The following SHROOM3 variants were observed in gnomAD, a reference collection of about 807,000 sequenced individuals.
SHROOM3 encodes the protein shroom family member 3.
A neutral mutation model predicts 138.6 loss-of-function variants in SHROOM3; 47 were observed. That is an observed-to-expected ratio of 0.34 (90% CI 0.27 to 0.43). The LOEUF is 0.43. Ranked by LOEUF, SHROOM3 falls within the 20% of genes least tolerant of loss-of-function variation. SHROOM3 has a pLI of 1.00. For missense variants in SHROOM3, 2,491 were observed against 2,596.5 expected (o/e 0.96, Z 0.88); for synonymous variants, 1,062 against 1,063.3 (o/e 1.00, Z 0.02).
intron 1 of SHROOM3, among the ~76,000 whole-genome samples, chr4:76,518,843 A>C (rs1047945030): frequency 6.6e-6 from 1 of 152,222 alleles, no homozygotes; most frequent in Non-Finnish European, 1.5e-5. Flanking sequence ...AACTCAATGA[A>C]GCAAAAAGAA....
At chr4:76,721,931 A>G (rs1720563794) in intron 3 of SHROOM3, among the ~76,000 whole-genome samples, 1 of 152,196 alleles carries the variant, frequency 6.6e-6, no homozygotes, top group Non-Finnish European at 1.5e-5. Flanking sequence ...TTGATGATGC[A>G]TACATGGTTA....
At chr4:76,540,900 C>T (rs977962208) in intron 1 of SHROOM3, among the ~76,000 whole-genome samples, 6 of 152,090 alleles carry the variant, frequency 3.9e-5, no homozygotes, top group African/African-American at 9.7e-5. Flanking sequence ...TGAGATAGGG[C>T]ATGTGTGTGC....
chr4:76,541,127 A>T (rs1172562652), intron 1 of SHROOM3, among the ~76,000 whole-genome samples: 1 of 152,120 alleles, frequency 6.6e-6, no homozygotes, highest in African/African-American at 2.4e-5. Context: ...CATCCCCTAT[A>T]TGTACGTTAT....
chr4:76,479,474 G>A (rs912267742), intron 1 of SHROOM3, among the ~76,000 whole-genome samples: 8 of 151,986 alleles, frequency 5.3e-5, no homozygotes, highest in African/African-American at 1.7e-4. Flanking sequence ...AAAAAATAGG[G>A]GACTATGTGG....
chr4:76,677,161 G>A (rs1719064106), intron 2 of SHROOM3, among the ~76,000 whole-genome samples: 6 of 152,172 alleles, frequency 3.9e-5, no homozygotes, highest in Admixed American at 3.9e-4. Context: ...GGGTTTAGAA[G>A]TAGCTTGGTT....
intron 4 of SHROOM3, among the ~76,000 whole-genome samples, chr4:76,734,636 A>G (rs1013853079): frequency 1.3e-5 from 2 of 151,666 alleles, no homozygotes; most frequent in Non-Finnish European, 2.9e-5. Flanking sequence ...TCAGCCTCCC[A>G]AAGTGCTGGG....
intron 3 of SHROOM3, among the ~76,000 whole-genome samples, chr4:76,714,136 C>G (rs759693754): frequency 6.6e-6 from 1 of 152,156 alleles, no homozygotes; most frequent in Non-Finnish European, 1.5e-5. Context: ...AACCGTAGTA[C>G]AAATATCAAA....
At chr4:76,762,132 A>C (rs1202715437) in intron 9 of SHROOM3, among the ~76,000 whole-genome samples, 1 of 152,186 alleles carries the variant, frequency 6.6e-6, no homozygotes, top group East Asian at 1.9e-4. Context: ...GAAGTTAAGC[A>C]ACTAGTTTGT....
chr4:76,541,993 T>C (rs1214840870), intron 1 of SHROOM3, among the ~76,000 whole-genome samples: 1 of 152,092 alleles, frequency 6.6e-6, no homozygotes, highest in Non-Finnish European at 1.5e-5. Context: ...GTTACTTCTC[T>C]TGAGGATGTG....
At chr4:76,705,330 A>G (rs1383567680) in intron 2 of SHROOM3, among the ~76,000 whole-genome samples, 3 of 149,940 alleles carry the variant, frequency 2.0e-5, no homozygotes, top group Non-Finnish European at 3.0e-5. Flanking sequence ...AACAACAACA[A>G]CAACAAAACA....
At chr4:76,688,348 A>G in intron 2 of SHROOM3, 1 of 981,588 alleles carries the variant, frequency 1.0e-6, no homozygotes. Context: ...TTCTGTCAGG[A>G]TATAAGAGCA....
chr4:76,465,498 G>T (rs891613873), intron 1 of SHROOM3, among the ~76,000 whole-genome samples: 1 of 152,190 alleles, frequency 6.6e-6, no homozygotes, highest in Non-Finnish European at 1.5e-5. Flanking sequence ...GCCTGGCCAA[G>T]ACTTTCTCAG....
intron 6 of SHROOM3, among the ~76,000 whole-genome samples, chr4:76,749,430 T>G (rs1022463735): frequency 6.6e-6 from 1 of 152,226 alleles, no homozygotes; most frequent in African/African-American, 2.4e-5. Flanking sequence ...TTTGAACATG[T>G]GCTACTGAGG....
At chr4:76,482,231 G>A (rs1325686699) in intron 1 of SHROOM3, among the ~76,000 whole-genome samples, 2 of 152,146 alleles carry the variant, frequency 1.3e-5, no homozygotes, top group Non-Finnish European at 2.9e-5. Flanking sequence ...GTTTGCAGAT[G>A]ACATGATTGT....
intron 2 of SHROOM3, among the ~76,000 whole-genome samples, chr4:76,673,634 T>C (rs1339365562): frequency 6.6e-6 from 1 of 152,212 alleles, no homozygotes; most frequent in African/African-American, 2.4e-5. Flanking sequence ...GCTATTTTCT[T>C]CTTTTTCATA....
At chr4:76,763,860 A>C (rs1212400951) in intron 9 of SHROOM3, among the ~76,000 whole-genome samples, 1 of 152,222 alleles carries the variant, frequency 6.6e-6, no homozygotes. Flanking sequence ...TGTTGAAAAC[A>C]TCTTTAATAT....
intron 1 of SHROOM3, among the ~76,000 whole-genome samples, chr4:76,541,623 G>GCACAAACA (rs751594734): frequency 7.1e-6 from 1 of 140,042 alleles, no homozygotes; most frequent in African/African-American, 2.5e-5. Context: ...ACATATGTGG[G>GCACAAACA]CGCACACACA....
At chr4:76,457,491 T>C (rs1731051638) in intron 1 of SHROOM3, among the ~76,000 whole-genome samples, 1 of 151,788 alleles carries the variant, frequency 6.6e-6, no homozygotes, top group African/African-American at 2.4e-5. Context: ...CTCTTTTCTT[T>C]ATAATTTTTT....
intron 1 of SHROOM3, among the ~76,000 whole-genome samples, chr4:76,446,481 T>C (rs1419900325): frequency 6.6e-6 from 1 of 152,036 alleles, no homozygotes; most frequent in Non-Finnish European, 1.5e-5. Flanking sequence ...CTCTGCATCT[T>C]CCCAGGTGCT....
Sources: gnomAD v4.1 joint callset for allele counts (sites outside exome capture counted in the v4.1 genomes callset) on GRCh38, gnomAD v4.1.1 for gene constraint, MANE v1.5 for transcripts, NCBI Gene and HGNC (gene_info 2026-07-23, HGNC 2026-07-21) for gene names.